The following FAM8A1 variants were observed in gnomAD, a reference collection of about 807,000 sequenced individuals.
The protein encoded by FAM8A1 is family with sequence similarity 8 member A1, also known as protein FAM8A1.
A neutral mutation model predicts 38.3 loss-of-function variants in FAM8A1; 18 were observed. The observed-to-expected ratio is 0.47, with a 90% CI of 0.33 to 0.70. FAM8A1 has a LOEUF of 0.70. Among genes scored for constraint, FAM8A1 ranks in the 30% least tolerant of loss-of-function variants. The pLI, the probability that FAM8A1 is intolerant of heterozygous loss-of-function variation, is 0.03. For synonymous variants in FAM8A1, 246 were observed against 234.4 expected (o/e 1.05, Z -0.45); for missense variants, 559 against 559.6 (o/e 1.00, Z 0.01).
At position 17,605,889 on chromosome 6, in the gene FAM8A1, G is replaced by T; in HGVS notation, c.973G>T (p.Gly325Ter). Reference protein sequence around the residue: ...VCFYEIICIWGAGGATPGKFL... With the variant: ...VCFYEIICIW ...CTTTCCTTAGATAATTTGCATTTGG[G>T]GAGCAGGTGGAGCTACCCCAGGGAA... is the stretch of plus-strand genomic sequence containing the variant. Residue 325 changes from glycine (G) to a stop codon, truncating the protein, a stop_gained, in exon 4 of 5, where the codon GGA (glycine) becomes TGA (stop). Transcript: ENST00000259963. LOFTEE classifies it high-confidence loss of function. The T allele has an allele frequency of 6.6e-7, 1 of 1,524,942 alleles. No homozygotes were observed. The highest frequency in any genetic ancestry group is 8.9e-7 in the Non-Finnish European group (1 of 1,126,022). 94.5% of individuals were successfully genotyped at this position (1,524,942 alleles called of 1,614,324 possible).
rs78008661 is a variant in FAM8A1, at chr6:17,604,964, A to G, written c.892A>G (p.Met298Val). 4.4e-6 allele frequency: 7 copies of G among 1,605,088 alleles called. No homozygotes were observed. The Admixed American group carries it at 1.0e-4, about 23-fold the overall frequency. The change falls in exon 3 of 5, where the codon ATG becomes GTG. Residue 298 changes from methionine to valine, a missense_variant. Coordinates refer to ENST00000259963, the MANE Select transcript of FAM8A1 (RefSeq NM_016255.3). Reference protein sequence around the residue: ...IIEEIDEDTSMEDLQKMMVVA... With the variant: ...IIEEIDEDTSVEDLQKMMVVA... ...AGAAGAAATAGATGAAGACACATCAATGGAAGACTTGCAGAAAATGATGGT... is the reference window on the plus strand; with the variant it reads ...AGAAGAAATAGATGAAGACACATCAGTGGAAGACTTGCAGAAAATGATGGT...
Position 17,600,720 on chromosome 6 carries a change from G to A in FAM8A1, c.311G>A (p.Arg104Lys), listed in dbSNP as rs1197499475. Residue 104 changes from arginine (R) to lysine (K), a missense_variant, in exon 1 of 5, where the codon AGA (arginine) becomes AAA (lysine). This residue lies in a region of FAM8A1 where 393 missense variants were observed against 338.9 expected (regional missense o/e 1.16). Coordinates refer to ENST00000259963, the MANE Select transcript of FAM8A1 (RefSeq NM_016255.3). ...EAPEAAAPRE[R>K]PARLSAREYS... ...CCCGAAGCCGCGGCGCCACGAGAGA[G>A]ACCAGCTCGGCTGAGCGCCCGCGAG... 1.3e-6 allele frequency: 2 copies of A among 1,576,398 alleles called. No homozygotes were observed. The highest frequency in any genetic ancestry group is 3.5e-5 in the Admixed American group (2 of 56,386).
chr6:17,611,051 C>T lies in FAM8A1; in HGVS notation c.*2712C>T, dbSNP rs1764136558. Reference sequence around the variant, plus strand: ...CTAATAAGCCTTCACTTGTCAGTATCATAAAGAGTATTGCCCAACTGAACT... The same window carrying T: ...CTAATAAGCCTTCACTTGTCAGTATTATAAAGAGTATTGCCCAACTGAACT... On this transcript the variant is annotated 3_prime_UTR_variant, in exon 5 of 5. Coordinates refer to ENST00000259963, the MANE Select transcript of FAM8A1 (RefSeq NM_016255.3). 6.6e-6 allele frequency: 1 copy of T among 152,160 alleles called. No homozygotes were observed. Among genetic ancestry groups the T allele is most frequent in the Non-Finnish European group, 1.5e-5 (1 of 68,022 alleles). The allele number at this position is 152,160 out of a possible 1,614,324, so 9.4% of individuals were successfully genotyped here.
chr6:17,600,533 G>C lies in FAM8A1; in HGVS notation c.124G>C (p.Asp42His), dbSNP rs1410866778. 1 of 1,530,112 alleles carries C rather than the reference G, an allele frequency of 6.5e-7. No individual in the cohort carries two copies. The highest frequency in any genetic ancestry group is 2.0e-5 in the Admixed American group (1 of 50,264). 94.8% of individuals were successfully genotyped at this position (1,530,112 alleles called of 1,614,324 possible). Residue 42 changes from aspartate (D) to histidine (H), a missense_variant, in exon 1 of 5, where the codon GAC becomes CAC. Asp to His is a moderately conservative substitution (Grantham distance 81). Around this residue, in one of 2 missense-constraint regions of FAM8A1, gnomAD observed 393 missense variants for 338.9 expected, o/e 1.16. Transcript: ENST00000259963. ...PTTAVPCPRD[D>H]PQAEPQAPGR... ...CACCGCCGTCCCATGCCCCCGCGAC[G>C]ACCCCCAGGCCGAACCCCAGGCCCC...
Position 17,602,704 on chromosome 6 carries a change from G to A in FAM8A1, c.827G>A (p.Gly276Glu). The A allele has an allele frequency of 1.9e-6, 3 of 1,601,602 alleles. No homozygotes were observed. Among genetic ancestry groups the A allele is most frequent in the Non-Finnish European group, 1.7e-6 (2 of 1,176,648 alleles). Residue 276 changes from glycine to glutamate, a missense_variant, in exon 2 of 5, where the codon GGG becomes GAG. By Grantham distance (98) the Gly-to-Glu change is moderately conservative (BLOSUM62 -2). Coordinates refer to ENST00000259963, the MANE Select transcript of FAM8A1 (RefSeq NM_016255.3). ...TIVLSIMHLS[G>E]IKDISKFAMH... ...GTCTTAAGCATTATGCACCTCAGTGGGATAAAGTAAGTTGAGGACATTTGC... is the reference window on the plus strand; with the variant it reads ...GTCTTAAGCATTATGCACCTCAGTGAGATAAAGTAAGTTGAGGACATTTGC...
Position 17,611,265 on chromosome 6 carries a change from TTA to T in FAM8A1, c.*2927_*2928del, listed in dbSNP as rs1764141020. 1 of 152,460 alleles carries T rather than the reference TTA, an allele frequency of 6.6e-6. No homozygotes were observed. The highest frequency in any genetic ancestry group is 2.4e-5 in the African/African-American group (1 of 41,454). The allele number at this position is 152,460 out of a possible 1,614,324, so 9.4% of individuals were successfully genotyped here. Reference sequence around the variant, plus strand: ...TGTTCCCTTCAGTGACTTGAGTGTTTTAGTTATGCATAAGTATTTCTAGCAAA... The same window carrying T: ...TGTTCCCTTCAGTGACTTGAGTGTTTGTTATGCATAAGTATTTCTAGCAAA... On this transcript the variant is annotated 3_prime_UTR_variant, in exon 5 of 5. Transcript: ENST00000259963.
At chr6:17,605,739 G>T (rs1764043965) in intron 3 of FAM8A1, 135 bp from the exon 4 acceptor site, 2 of 765,470 alleles carry the variant, frequency 2.6e-6, no homozygotes, top group South Asian at 5.8e-5. Context: ...AAAGTTAAAT[G>T]GTTAACTTTT....
chr6:17,604,605 C>G (rs1476545747), intron 2 of FAM8A1, among the ~76,000 whole-genome samples: 1 of 152,144 alleles, frequency 6.6e-6, no homozygotes, highest in Non-Finnish European at 1.5e-5. Flanking sequence ...ACTCATCCCA[C>G]TTTATTATTG....
rs1396921801 is a variant in FAM8A1 at position 17,600,849 on chromosome 6, C to T, written c.440C>T (p.Ser147Phe). The T allele has an allele frequency of 6.2e-7, 1 of 1,609,694 alleles. No homozygotes were observed. Among genetic ancestry groups the T allele is most frequent in the Admixed American group, 1.7e-5 (1 of 59,964 alleles). The stretch of plus-strand genomic sequence containing the variant: ...CCAGCCTACTGCAGCCCCCAGCCCT[C>T]CCCGCAGAGCTTCCCTTCGGGCGGC... Reference protein sequence around the residue: ...AFPAYCSPQPSPQSFPSGGAA... With the variant: ...AFPAYCSPQPFPQSFPSGGAA... The change falls in exon 1 of 5, where the codon TCC (serine) becomes TTC (phenylalanine). Residue 147 changes from serine to phenylalanine, a missense_variant. Ser to Phe is a radical substitution (Grantham distance 155). Transcript: ENST00000259963.
chr6:17,605,649 A>G (rs28372812), intron 3 of FAM8A1, among the ~76,000 whole-genome samples: 14,757 of 152,254 alleles, frequency 0.097, 803 homozygotes, highest in Admixed American at 0.12. Context: ...CTTACTAGAA[A>G]GTATAGTAGT....
intron 1 of FAM8A1, among the ~76,000 whole-genome samples, chr6:17,601,582 T>A (rs1486502989): frequency 3.9e-5 from 6 of 152,236 alleles, no homozygotes; most frequent in Admixed American, 3.9e-4. Flanking sequence ...AGTTAGGAAG[T>A]TTTGATTGGG....
At position 17,600,329 on chromosome 6, in the gene FAM8A1, G is replaced by A. The variant is rs1411601021; in HGVS notation, c.-81G>A. 1 of 1,304,242 alleles carries A rather than the reference G, an allele frequency of 7.7e-7. No individual in the cohort carries two copies. Among genetic ancestry groups the A allele is most frequent in the African/African-American group, 1.5e-5 (1 of 64,600 alleles). The allele number at this position is 1,304,242 out of a possible 1,614,324, so 80.8% of individuals were successfully genotyped here. On this transcript the variant is annotated 5_prime_UTR_variant, in exon 1 of 5. Transcript: ENST00000259963. ...TGACGCCTGCGGTTGCTGCGGTGGT[G>A]ACGGGGCTGTTGGGGAGGGGCCATT...
At chr6:17,607,290 G>T (rs1764067928) in intron 4 of FAM8A1, among the ~76,000 whole-genome samples, 2 of 149,740 alleles carry the variant, frequency 1.3e-5, no homozygotes, top group Admixed American at 6.7e-5. Context: ...AAAACTGGTA[G>T]TTATAAACCT....
At chr6:17,606,389 A>G (rs1248594375) in intron 4 of FAM8A1, among the ~76,000 whole-genome samples, 1 of 152,014 alleles carries the variant, frequency 6.6e-6, no homozygotes, top group Admixed American at 6.6e-5. Flanking sequence ...TTTAGTAGGG[A>G]CGGGGTTTCA....
rs1764097490 is a variant in FAM8A1, at chr6:17,608,964, T to G, written c.*625T>G. 5 of 152,320 alleles carry G rather than the reference T, an allele frequency of 3.3e-5. No homozygotes were observed. In the South Asian group the frequency reaches 1.0e-3, roughly 32 times the overall value. 9.4% of individuals were successfully genotyped at this position (152,320 alleles called of 1,614,324 possible). On this transcript the variant is annotated 3_prime_UTR_variant, in exon 5 of 5. Transcript: ENST00000259963. ...TAATGATGTAACTTTACAACTATTCTTAATGCTTGAACATGTATTTAGGGG... is the reference window on the plus strand; with the variant it reads ...TAATGATGTAACTTTACAACTATTCGTAATGCTTGAACATGTATTTAGGGG...
chr6:17,607,320 A>G (rs993269937), intron 4 of FAM8A1, among the ~76,000 whole-genome samples: 1 of 151,686 alleles, frequency 6.6e-6, no homozygotes, highest in Non-Finnish European at 1.5e-5. Context: ...TTTTAATAAG[A>G]GTCAGTAATG....
rs1014460568 is a variant in FAM8A1, at chr6:17,601,113, G to T, written c.704G>T (p.Arg235Leu). ...TCGCGAAGCCCGAGCGAGACCGGGC[G>T]ACAGGCAGGTGAGAAGCGCGAGGTG... ...APSRSPSETG[R>L]QAGREYVIPS... The change falls in exon 1 of 5, where the codon CGA becomes CTA. Residue 235 changes from arginine to leucine, a missense_variant. By Grantham distance (102) the Arg-to-Leu change is moderately radical. This residue lies in a region of FAM8A1 where 166 missense variants were observed against 220.8 expected (regional missense o/e 0.75). Coordinates refer to ENST00000259963, the MANE Select transcript of FAM8A1 (RefSeq NM_016255.3). 3.1e-6 allele frequency: 5 copies of T among 1,591,398 alleles called. No homozygotes were observed. The African/African-American group carries it at 4.0e-5, about 13-fold the overall frequency.
chr6:17,609,409 C>T lies in FAM8A1; in HGVS notation c.*1070C>T, dbSNP rs1416611415. On this transcript the variant is annotated 3_prime_UTR_variant, in exon 5 of 5. Coordinates refer to ENST00000259963, the MANE Select transcript of FAM8A1 (RefSeq NM_016255.3). ...CTAAGTACTATTAATTAATAGCTTG[C>T]GAAATATTAGCAATTTTCCCATTAT... is the stretch of plus-strand genomic sequence containing the variant. 7 of 151,800 alleles carry T rather than the reference C, an allele frequency of 4.6e-5. No individual in the cohort carries two copies. The South Asian group carries it at 6.2e-4, about 13-fold the overall frequency. The allele number at this position is 151,800 out of a possible 1,614,324, so 9.4% of individuals were successfully genotyped here. A position where few individuals can be genotyped will look rare whatever the true frequency, so the allele number is the denominator to read the frequency against.
At position 17,611,648 on chromosome 6, in the gene FAM8A1, A is replaced by G. The variant is rs1764147517; in HGVS notation, c.*3309A>G. ...GGCCCACCTATAAATAAAATTCAGC[A>G]TTCTATTTTTAATAATTTGTATGCC... On this transcript the variant is annotated 3_prime_UTR_variant, in exon 5 of 5. Transcript: ENST00000259963. 6.6e-6 allele frequency: 1 copy of G among 152,326 alleles called. No individual in the cohort carries two copies. Among genetic ancestry groups the G allele is most frequent in the Non-Finnish European group, 1.5e-5 (1 of 68,028 alleles). 9.4% of individuals were successfully genotyped at this position (152,326 alleles called of 1,614,324 possible).
Sources: allele counts gnomAD v4.1 joint callset (sites outside exome capture counted in the v4.1 genomes callset), GRCh38; gene constraint gnomAD v4.1.1; regional missense constraint gnomAD v4.1.1; transcripts MANE v1.5; gene names NCBI Gene and HGNC (gene_info 2026-07-23, HGNC 2026-07-21).